Variants in DPY19L3 observed in about 807,000 individuals in gnomAD.
DPY19L3 encodes dpy-19 like C-mannosyltransferase 3.
A neutral mutation model predicts 92.3 loss-of-function variants in DPY19L3; 51 were observed. The observed-to-expected ratio is 0.55, with a 90% CI of 0.44 to 0.70. The LOEUF (loss-of-function observed/expected upper bound fraction) is 0.70. Among genes scored for constraint, DPY19L3 ranks in the 30% least tolerant of loss-of-function variants. The probability of loss-of-function intolerance (pLI) is 0.00; values close to 1 mark genes in which losing one functional copy is unlikely to be tolerated. For missense variants in DPY19L3, 706 were observed against 855.9 expected (o/e 0.82, Z 2.18); for synonymous variants, 309 against 315.2 (o/e 0.98, Z 0.21).
chr19:32,446,292 G>A (rs1324012430), intron 8 of DPY19L3, among the ~76,000 whole-genome samples: 2 of 151,944 alleles, frequency 1.3e-5, no homozygotes, highest in Admixed American at 6.6e-5. Context: ...AAAATGTTCA[G>A]GTAACCTACA....
intron 6 of DPY19L3, among the ~76,000 whole-genome samples, chr19:32,438,828 C>T (rs1969230714): frequency 6.6e-6 from 1 of 152,110 alleles, no homozygotes; most frequent in Non-Finnish European, 1.5e-5. Context: ...AAGGGTTTGG[C>T]ATGATACATT....
At chr19:32,477,698 A>G (rs769204130) in intron 17 of DPY19L3, 44 bp downstream of exon 17, 36 of 1,611,142 alleles carry the variant, frequency 2.2e-5, no homozygotes, top group African/African-American at 1.3e-5. Context: ...TGGGCCAGCT[A>G]TGGGCTGCGT....
intron 10 of DPY19L3, among the ~76,000 whole-genome samples, chr19:32,456,388 C>T (rs1173523310): frequency 3.3e-5 from 5 of 151,828 alleles, no homozygotes; most frequent in Admixed American, 3.3e-4. Context: ...TTCTTAAACT[C>T]CATACAGTCA....
In DPY19L3 at chr19:32,439,157, C is replaced by T. The variant is rs1014669166; in HGVS notation, c.642C>T (p.Asn214=). 3.7e-6 allele frequency: 6 copies of T among 1,613,450 alleles called. No individual in the cohort carries two copies. Among genetic ancestry groups the T allele is most frequent in the Non-Finnish European group, 5.1e-6 (6 of 1,179,616 alleles). Reference sequence around the variant, plus strand: ...AGTTTACCATCCCACTGAGGGAGAACTGGGCGCTGCCATTCTTTGCAATTC... The same window carrying T: ...AGTTTACCATCCCACTGAGGGAGAATTGGGCGCTGCCATTCTTTGCAATTC... The part of the protein sequence containing the change: ...RVEFTIPLRE[N]WALPFFAIQI... Residue 214 remains asparagine, a synonymous_variant, in exon 7 of 19, where the codon AAC becomes AAT. Transcript: ENST00000392250.
intron 2 of DPY19L3, 130 bp from the exon 3 acceptor site, chr19:32,411,109 C>A: frequency 1.1e-6 from 1 of 895,078 alleles, no homozygotes; most frequent in Non-Finnish European, 1.7e-6. Context: ...AAGGACCCTC[C>A]GCTGGAGACA....
chr19:32,460,198 C>G (rs1389753733), intron 12 of DPY19L3, among the ~76,000 whole-genome samples: 2 of 151,730 alleles, frequency 1.3e-5, no homozygotes, highest in Non-Finnish European at 2.9e-5. Flanking sequence ...GCTAGGAGTT[C>G]TAGACCAGCC....
At chr19:32,441,444 C>A (rs1039925972) in intron 8 of DPY19L3, among the ~76,000 whole-genome samples, 2 of 150,740 alleles carry the variant, frequency 1.3e-5, no homozygotes, top group Admixed American at 6.6e-5. Context: ...TCTGCATATT[C>A]TTTTTGTTCT....
At chr19:32,466,265 C>T (rs1037695775) in intron 15 of DPY19L3, among the ~76,000 whole-genome samples, 5 of 152,182 alleles carry the variant, frequency 3.3e-5, no homozygotes, top group African/African-American at 7.2e-5. Flanking sequence ...ACAGCATCAG[C>T]GTCTCTTGGG....
chr19:32,471,745 C>T (rs1970363998), intron 16 of DPY19L3, among the ~76,000 whole-genome samples: 1 of 152,056 alleles, frequency 6.6e-6, no homozygotes, highest in Non-Finnish European at 1.5e-5. Context: ...GATGTGGTTG[C>T]CTCAGTGGGA....
At chr19:32,475,359 C>T (rs1223549877) in intron 16 of DPY19L3, among the ~76,000 whole-genome samples, 1 of 152,192 alleles carries the variant, frequency 6.6e-6, no homozygotes, top group Non-Finnish European at 1.5e-5. Flanking sequence ...CTCTCGCCTC[C>T]ACCTCCTGCT....
At chr19:32,454,173 A>G (rs1969792397) in intron 9 of DPY19L3, among the ~76,000 whole-genome samples, 1 of 152,218 alleles carries the variant, frequency 6.6e-6, no homozygotes, top group Non-Finnish European at 1.5e-5. Context: ...TCAAGATTAT[A>G]AGAAAACTAT....
At chr19:32,417,128 C>G (rs1290634647) in intron 3 of DPY19L3, among the ~76,000 whole-genome samples, 2 of 152,192 alleles carry the variant, frequency 1.3e-5, no homozygotes. Flanking sequence ...AAAGAGCAGC[C>G]AGATTCTTTA....
At chr19:32,446,176 G>A (rs1310645258) in intron 8 of DPY19L3, among the ~76,000 whole-genome samples, 4 of 152,106 alleles carry the variant, frequency 2.6e-5, no homozygotes, top group African/African-American at 7.2e-5. Context: ...CCACTAGTCC[G>A]TAATAAGTTA....
At chr19:32,459,921 G>T (rs1157585490) in intron 12 of DPY19L3, among the ~76,000 whole-genome samples, 1 of 152,136 alleles carries the variant, frequency 6.6e-6, no homozygotes, top group Non-Finnish European at 1.5e-5. Flanking sequence ...TTTTATCATT[G>T]TGCGAATATC....
chr19:32,415,789 C>T (rs147075993), intron 3 of DPY19L3, among the ~76,000 whole-genome samples: 4 of 151,902 alleles, frequency 2.6e-5, no homozygotes, highest in East Asian at 1.9e-4. Context: ...GCATTGAATA[C>T]GACATAGAAC....
At position 32,463,904 on chromosome 19, in the gene DPY19L3, T is replaced by G; in HGVS notation, c.1481T>G (p.Phe494Cys). Residue 494 changes from phenylalanine (F) to cysteine (C), a missense_variant, in exon 14 of 19, where the codon TTC (phenylalanine) becomes TGC (cysteine). Physicochemically the swap from Phe to Cys is radical, Grantham distance 205. Transcript: ENST00000392250. ...KYLWTSHMCVFASFGLCSPEI... is the reference protein window; with the variant it reads ...KYLWTSHMCVCASFGLCSPEI... ...CTCTGGACGTCACACATGTGTGTGT[T>G]CGCATCATTCGGCCTATGTAGCCCT... is the stretch of plus-strand genomic sequence containing the variant. 1 of 1,613,830 alleles carries G rather than the reference T, an allele frequency of 6.2e-7. No homozygotes were observed. The highest frequency in any genetic ancestry group is 8.5e-7 in the Non-Finnish European group (1 of 1,179,786).
chr19:32,407,229 G>GC (rs1298975283), intron 1 of DPY19L3, among the ~76,000 whole-genome samples: 1 of 136,074 alleles, frequency 7.3e-6, no homozygotes, highest in Non-Finnish European at 1.6e-5. Context: ...CCACTCCCCC[G>GC]CCTCCCACTT....
chr19:32,466,203 G>A (rs1428829843), intron 15 of DPY19L3, among the ~76,000 whole-genome samples: 1 of 152,186 alleles, frequency 6.6e-6, no homozygotes, highest in Non-Finnish European at 1.5e-5. Flanking sequence ...CATTGTATAA[G>A]AAGTAAACTG....
intron 14 of DPY19L3, 35 bp downstream of exon 14, chr19:32,464,015 A>T: frequency 1.4e-6 from 2 of 1,451,026 alleles, no homozygotes. Context: ...TCCTTTTATG[A>T]CTTGCAGTAT....
Sources: gnomAD v4.1 joint callset for allele counts (sites outside exome capture counted in the v4.1 genomes callset) on GRCh38, gnomAD v4.1.1 for gene constraint, MANE v1.5 for transcripts, NCBI Gene and HGNC (gene_info 2026-07-23, HGNC 2026-07-21) for gene names.